LDB2: variants seen among roughly 807,000 people sequenced by gnomAD.
LDB2 encodes the protein LIM domain-binding protein 2.
A neutral mutation model predicts 44.3 loss-of-function variants in LDB2; 12 were observed. The ratio of observed to expected loss-of-function variants is 0.27; its 90% confidence interval spans 0.17 to 0.44. LDB2 has a LOEUF of 0.44. Among genes scored for constraint, LDB2 ranks in the 20% least tolerant of loss-of-function variants. The probability of loss-of-function intolerance (pLI) is 1.00; values close to 1 mark genes in which losing one functional copy is unlikely to be tolerated. For synonymous variants in LDB2, 164 were observed against 174.8 expected (o/e 0.94, Z 0.49); for missense variants, 344 against 473.5 (o/e 0.73, Z 2.54).
intron 1 of LDB2, among the ~76,000 whole-genome samples, chr4:16,801,918 G>A (rs900712328): frequency 7.2e-5 from 11 of 152,162 alleles, no homozygotes; most frequent in African/African-American, 2.2e-4. Flanking sequence ...GTTATCATTT[G>A]AAAACACCCA....
chr4:16,560,526 G>C (rs1226580502), intron 5 of LDB2, among the ~76,000 whole-genome samples: 1 of 152,144 alleles, frequency 6.6e-6, no homozygotes, highest in African/African-American at 2.4e-5. Flanking sequence ...GAAAGAAGTT[G>C]AATCTCTGAA....
intron 5 of LDB2, among the ~76,000 whole-genome samples, chr4:16,569,620 C>A (rs1315799883): frequency 1.3e-5 from 2 of 152,150 alleles, no homozygotes; most frequent in Non-Finnish European, 1.5e-5. Context: ...CCAAACCATC[C>A]TATACCAGTA....
At chr4:16,852,862 T>G (rs1788560951) in intron 1 of LDB2, among the ~76,000 whole-genome samples, 2 of 152,196 alleles carry the variant, frequency 1.3e-5, no homozygotes, top group South Asian at 4.1e-4. Flanking sequence ...ACCCTGGATC[T>G]CATATAAATA....
intron 2 of LDB2, among the ~76,000 whole-genome samples, chr4:16,659,901 T>C (rs772686932): frequency 5.9e-5 from 9 of 152,120 alleles, no homozygotes; most frequent in Non-Finnish European, 1.2e-4. Context: ...TGGAGCTTTG[T>C]GTTCCCCTTA....
intron 1 of LDB2, among the ~76,000 whole-genome samples, chr4:16,771,637 C>T (rs997382417): frequency 2.0e-5 from 3 of 152,178 alleles, no homozygotes; most frequent in Admixed American, 6.5e-5. Context: ...CATTTGAGAA[C>T]ATACTCTTGA....
At chr4:16,594,630 G>C (rs1845917) in intron 3 of LDB2, among the ~76,000 whole-genome samples, 147,500 of 152,340 alleles carry the variant, frequency 0.97, 71,573 homozygotes, top group Non-Finnish European at 1. Context: ...AGAGATGAAA[G>C]TATACCAAAA....
intron 2 of LDB2, among the ~76,000 whole-genome samples, chr4:16,723,706 A>C (rs535193042): frequency 1.3e-5 from 2 of 152,250 alleles, no homozygotes; most frequent in South Asian, 2.1e-4. Context: ...CATGCCAAGC[A>C]GACCCCACTT....
At chr4:16,638,309 C>A (rs1734174592) in intron 2 of LDB2, among the ~76,000 whole-genome samples, 1 of 152,198 alleles carries the variant, frequency 6.6e-6, no homozygotes, top group Non-Finnish European at 1.5e-5. Flanking sequence ...ACAGTGACAT[C>A]CTCAAGTGCT....
At chr4:16,866,134 T>G (rs11734663) in intron 1 of LDB2, among the ~76,000 whole-genome samples, 93,177 of 152,030 alleles carry the variant, frequency 0.61, 29,078 homozygotes, top group East Asian at 0.85. Context: ...AGAATAGGAA[T>G]GTGATTGTGC....
chr4:16,562,995 T>C (rs1355158086), intron 5 of LDB2, among the ~76,000 whole-genome samples: 3 of 150,966 alleles, frequency 2.0e-5, no homozygotes. Flanking sequence ...ATGTTCTCAC[T>C]CATAGGTGGG....
In LDB2 at chr4:16,798,306, T is replaced by C. The variant is rs186804365; in HGVS notation, c.133-39046A>G. On this transcript the variant is annotated intron_variant, in intron 1 of 7. Transcript: ENST00000304523. ...ATCATGTTATAGGGAAAGAAGTGAG[T>C]TCAAGTAACTTGCTCCAGGTCACAC... 3.9e-5 allele frequency among the ~76,000 whole-genome samples: 6 copies of C among 152,160 alleles called. 1 individual carries two copies. The East Asian group carries it at 1.2e-3, about 29-fold the overall frequency.
At chr4:16,774,212 G>A (rs947043704) in intron 1 of LDB2, among the ~76,000 whole-genome samples, 8 of 145,286 alleles carry the variant, frequency 5.5e-5, no homozygotes, top group African/African-American at 1.3e-4. Context: ...CTCATTCCAC[G>A]CATTCTCCCA....
In LDB2 at chr4:16,755,522, TGTATGTGA is replaced by T. The variant is rs1246949555; in HGVS notation, c.235+3628_235+3635del. Among the ~76,000 whole-genome samples the T allele has an allele frequency of 7.1e-4, 30 of 42,028 alleles. No homozygotes were observed. In the East Asian group the frequency reaches 8.5e-3, roughly 12 times the overall value. 27.6% of individuals were successfully genotyped at this position (42,028 alleles called of 152,430 possible). ...GTGTGTGTGTGTGTGTGTGTGTGTGTGTATGTGAGAGAGAGAGAGACAGACAGACAGAG... is the reference window on the plus strand; with the variant it reads ...GTGTGTGTGTGTGTGTGTGTGTGTGTGAGAGAGAGAGACAGACAGACAGAG... On this transcript the variant is annotated intron_variant, in intron 2 of 7. Coordinates refer to ENST00000304523, the MANE Select transcript of LDB2 (RefSeq NM_001290.5).
chr4:16,841,757 C>T (rs887282567), intron 1 of LDB2, among the ~76,000 whole-genome samples: 1 of 152,158 alleles, frequency 6.6e-6, no homozygotes, highest in Non-Finnish European at 1.5e-5. Flanking sequence ...TACCTTGGAA[C>T]TGAACAACTA....
At chr4:16,628,871 G>A (rs1480899653) in intron 2 of LDB2, among the ~76,000 whole-genome samples, 1 of 152,176 alleles carries the variant, frequency 6.6e-6, no homozygotes, top group Non-Finnish European at 1.5e-5. Context: ...GTGAGTGACT[G>A]TACCTGGAGA....
intron 2 of LDB2, among the ~76,000 whole-genome samples, chr4:16,597,906 A>G (rs780793744): frequency 2.6e-5 from 4 of 152,214 alleles, no homozygotes; most frequent in African/African-American, 4.8e-5. Flanking sequence ...AATACACTTA[A>G]AGAGAAACAC....
intron 1 of LDB2, among the ~76,000 whole-genome samples, chr4:16,869,020 T>C (rs1715636052): frequency 2.6e-5 from 4 of 152,106 alleles, no homozygotes; most frequent in Non-Finnish European, 5.9e-5. Context: ...TGGTAGATGA[T>C]GTTGATGATG....
At chr4:16,712,525 C>G (rs1180049858) in intron 2 of LDB2, among the ~76,000 whole-genome samples, 1 of 152,108 alleles carries the variant, frequency 6.6e-6, no homozygotes. Flanking sequence ...GCACTCCAGC[C>G]TGGGTGACAC....
Position 16,766,630 on chromosome 4 carries a change from C to T in LDB2, c.133-7370G>A, listed in dbSNP as rs563181171. ...AAGCGATTCTCCTGCCTCAGCCACG[C>T]GAGTAGCTGGGATTATAGGCGCCCA... On this transcript the variant is annotated intron_variant, in intron 1 of 7. Coordinates refer to ENST00000304523, the MANE Select transcript of LDB2 (RefSeq NM_001290.5). Among the ~76,000 whole-genome samples the T allele has an allele frequency of 2.0e-4, 30 of 151,506 alleles. 2 individuals are homozygous for T. The South Asian group carries it at 5.9e-3, about 30-fold the overall frequency.
Sources: gnomAD v4.1 joint callset for allele counts (sites outside exome capture counted in the v4.1 genomes callset) on GRCh38, gnomAD v4.1.1 for gene constraint, MANE v1.5 for transcripts, NCBI Gene and HGNC (gene_info 2026-07-23, HGNC 2026-07-21) for gene names.